The following MSRA variants were observed in gnomAD, a reference collection of about 807,000 sequenced individuals.
The protein encoded by MSRA is mitochondrial peptide methionine sulfoxide reductase.
MSRA carries 54 observed loss-of-function variants against 31.3 expected under a neutral mutation model. The observed-to-expected ratio is 1.73, with a 90% CI of 1.39 to 2.17. The LOEUF (loss-of-function observed/expected upper bound fraction) is 2.17, where lower values mean the gene tolerates loss of function less well. Among genes scored for constraint, MSRA ranks in the 30% most tolerant of loss-of-function variants. MSRA has a pLI of 0.00. For synonymous variants in MSRA, 169 were observed against 116.5 expected (o/e 1.45, Z -2.90); for missense variants, 507 against 300.9 (o/e 1.69, Z -5.07).
At chr8:10,178,881 C>T (rs1806294581) in intron 1 of MSRA, among the ~76,000 whole-genome samples, 2 of 152,142 alleles carry the variant, frequency 1.3e-5, no homozygotes, top group Admixed American at 6.5e-5. Flanking sequence ...GAATCTCAGA[C>T]CTGCAGCCCA....
At chr8:10,065,625 C>G (rs965973516) in intron 1 of MSRA, among the ~76,000 whole-genome samples, 4 of 152,162 alleles carry the variant, frequency 2.6e-5, no homozygotes, top group African/African-American at 4.8e-5. Context: ...CGATGGAACT[C>G]AAGCCTGAAC....
intron 4 of MSRA, among the ~76,000 whole-genome samples, chr8:10,306,579 A>C (rs999847228): frequency 6.6e-6 from 1 of 151,970 alleles, no homozygotes; most frequent in Non-Finnish European, 1.5e-5. Context: ...TGGTGCTGAC[A>C]GTGGTGATGA....
intron 5 of MSRA, among the ~76,000 whole-genome samples, chr8:10,372,069 C>T (rs1805508913): frequency 6.6e-6 from 1 of 152,172 alleles, no homozygotes; most frequent in African/African-American, 2.4e-5. Context: ...TTGTCATTGC[C>T]ACCTCATGAC....
chr8:10,423,125 T>A (rs897630677), intron 5 of MSRA, among the ~76,000 whole-genome samples: 1 of 152,196 alleles, frequency 6.6e-6, no homozygotes, highest in Non-Finnish European at 1.5e-5. Context: ...GCCGTTTTTA[T>A]GGGTCCTCCC....
chr8:10,166,420 ATGTCTGTGCGTGTGTATGCATTTG>A, intron 1 of MSRA, among the ~76,000 whole-genome samples: 1 of 151,996 alleles, frequency 6.6e-6, no homozygotes, highest in East Asian at 1.9e-4. Context: ...GTGTTTGCAT[ATGTCTGTGCGTGTGTATGCATTTG>A]TGTGACTACA....
intron 3 of MSRA, among the ~76,000 whole-genome samples, chr8:10,286,315 A>T (rs554411512): frequency 6.6e-6 from 1 of 152,130 alleles, no homozygotes; most frequent in Admixed American, 6.6e-5. Flanking sequence ...TAATTGAATC[A>T]TGGGGGCAGG....
chr8:10,292,730 C>T (rs931145235), intron 3 of MSRA, among the ~76,000 whole-genome samples: 2 of 152,210 alleles, frequency 1.3e-5, no homozygotes, highest in African/African-American at 4.8e-5. Context: ...TGAAAGCAGG[C>T]AGGGCTTGGA....
chr8:10,281,413 T>TTTCCAG (rs1799615861), intron 3 of MSRA, among the ~76,000 whole-genome samples: 1 of 152,142 alleles, frequency 6.6e-6, no homozygotes, highest in South Asian at 2.1e-4. Flanking sequence ...TGAACATAAT[T>TTTCCAG]TTCCAGTTCC....
intron 1 of MSRA, among the ~76,000 whole-genome samples, chr8:10,103,330 C>G (rs1164107320): frequency 6.6e-6 from 1 of 152,144 alleles, no homozygotes; most frequent in African/African-American, 2.4e-5. Flanking sequence ...AGCTTCAGGA[C>G]AGATCTTAAA....
chr8:10,141,949 T>A (rs770988101), intron 1 of MSRA, among the ~76,000 whole-genome samples: 2 of 152,120 alleles, frequency 1.3e-5, no homozygotes, highest in Non-Finnish European at 2.9e-5. Flanking sequence ...TCTCCCAATT[T>A]TCAGGATTTT....
At chr8:10,392,433 A>T (rs1458877397) in intron 5 of MSRA, among the ~76,000 whole-genome samples, 1 of 152,108 alleles carries the variant, frequency 6.6e-6, no homozygotes, top group Non-Finnish European at 1.5e-5. Context: ...CTGGGCACTG[A>T]GTCCAGTGCA....
At chr8:10,375,949 A>T (rs1160569244) in intron 5 of MSRA, among the ~76,000 whole-genome samples, 4 of 152,178 alleles carry the variant, frequency 2.6e-5, no homozygotes, top group Admixed American at 2.6e-4. Flanking sequence ...GGACTTTCTG[A>T]TGGGGGAGGA....
At chr8:10,181,753 A>G (rs1482346023) in intron 1 of MSRA, among the ~76,000 whole-genome samples, 4 of 152,288 alleles carry the variant, frequency 2.6e-5, no homozygotes, top group South Asian at 4.1e-4. Flanking sequence ...GTCCAGACGT[A>G]TTATGAAGGT....
At chr8:10,220,920 G>C (rs1585201808) in intron 2 of MSRA, among the ~76,000 whole-genome samples, 1 of 152,236 alleles carries the variant, frequency 6.6e-6, no homozygotes, top group East Asian at 1.9e-4. Context: ...GACACTAGGA[G>C]CAGGAAGTGA....
chr8:10,182,498 AC>A (rs1195299113), intron 1 of MSRA, among the ~76,000 whole-genome samples: 7 of 152,186 alleles, frequency 4.6e-5, no homozygotes, highest in Admixed American at 6.5e-5. Flanking sequence ...TGAAGGCTCA[AC>A]TGGGGAAGGA....
In MSRA at chr8:10,301,619, G is replaced by C; in HGVS notation, c.417G>C (p.Glu139Asp). Residue 139 changes from glutamate to aspartate, a missense_variant, in exon 4 of 6, where the codon GAG (glutamate) becomes GAC (aspartate). Glu to Asp is a conservative substitution (Grantham distance 45). Coordinates refer to ENST00000317173, the MANE Select transcript of MSRA (RefSeq NM_012331.5). The part of the protein sequence containing the change: ...SFEELLKVFW[E>D]NHDPTQGMRQ... The stretch of plus-strand genomic sequence containing the variant: ...AGGAACTGCTCAAGGTCTTCTGGGA[G>C]AATCACGACCCGACCCAAGGTAGAG... 6.2e-7 allele frequency: 1 copy of C among 1,614,052 alleles called. No individual in the cohort carries two copies. The highest frequency in any genetic ancestry group is 8.5e-7 in the Non-Finnish European group (1 of 1,179,962).
At chr8:10,399,181 G>C (rs1459180328) in intron 5 of MSRA, among the ~76,000 whole-genome samples, 2 of 152,214 alleles carry the variant, frequency 1.3e-5, no homozygotes. Context: ...TGCCAGGTAC[G>C]TGTTGGGTGC....
At chr8:10,381,653 A>C (rs1295227431) in intron 5 of MSRA, among the ~76,000 whole-genome samples, 1 of 152,174 alleles carries the variant, frequency 6.6e-6, no homozygotes, top group Non-Finnish European at 1.5e-5. Context: ...TTCTTTCAGG[A>C]GTTGCTAGAC....
chr8:10,231,255 G>A (rs149261171), intron 2 of MSRA, among the ~76,000 whole-genome samples: 40 of 152,278 alleles, frequency 2.6e-4, no homozygotes, highest in Non-Finnish European at 4.0e-4. Context: ...TGCTGTCACC[G>A]TCTAGCTGGG....
Sources: allele counts gnomAD v4.1 joint callset (sites outside exome capture counted in the v4.1 genomes callset), GRCh38; gene constraint gnomAD v4.1.1; transcripts MANE v1.5; gene names NCBI Gene and HGNC (gene_info 2026-07-23, HGNC 2026-07-21).